Variants in FAM107A observed in about 807,000 individuals in gnomAD.
FAM107A encodes the protein family with sequence similarity 107 member A, also known as actin-associated protein FAM107A.
A neutral mutation model predicts 13.7 loss-of-function variants in FAM107A; 19 were observed. That is an observed-to-expected ratio of 1.38 (90% CI 0.97 to 2.03). The LOEUF is 2.03. Ranked by LOEUF, FAM107A falls within the 30% of genes most tolerant of loss-of-function variation. The pLI is 0.00. For missense variants in FAM107A, 203 were observed against 184.4 expected, an observed-to-expected ratio of 1.10 and a Z score of -0.58; for synonymous variants, 82 against 74.5, an observed-to-expected ratio of 1.10 and a Z score of -0.52.
intron 1 of FAM107A, among the ~76,000 whole-genome samples, chr3:58,575,642 T>C (rs2063724506): frequency 6.6e-6 from 1 of 152,256 alleles, no homozygotes; most frequent in African/African-American, 2.4e-5. Flanking sequence ...AGCAGGGTTA[T>C]GTCCCTTTTC....
chr3:58,616,945 T>C (rs994502318), intron 1 of FAM107A, among the ~76,000 whole-genome samples: 2 of 152,152 alleles, frequency 1.3e-5, no homozygotes, highest in Non-Finnish European at 2.9e-5. Context: ...AGCTAACTTT[T>C]TGTATTTTTG....
At chr3:58,586,430 GA>G (rs969805209) in intron 1 of FAM107A, among the ~76,000 whole-genome samples, 13 of 151,292 alleles carry the variant, frequency 8.6e-5, no homozygotes, top group Non-Finnish European at 1.3e-4. Flanking sequence ...AAAGGAGGAA[GA>G]AAAAAAAAGT....
intron 1 of FAM107A, among the ~76,000 whole-genome samples, chr3:58,614,251 T>C (rs2065881057): frequency 6.6e-6 from 1 of 152,208 alleles, no homozygotes. Flanking sequence ...TAGGGTTTTT[T>C]TGTTTTTTGT....
At chr3:58,624,103 G>C (rs999383470) in intron 1 of FAM107A, among the ~76,000 whole-genome samples, 9 of 152,300 alleles carry the variant, frequency 5.9e-5, no homozygotes, top group African/African-American at 2.2e-4. Flanking sequence ...CACTGCTGCC[G>C]CAGGACCTGT....
intron 1 of FAM107A, among the ~76,000 whole-genome samples, chr3:58,603,366 C>T (rs1460212875): frequency 6.6e-6 from 1 of 152,136 alleles, no homozygotes; most frequent in Non-Finnish European, 1.5e-5. Flanking sequence ...TTATTGGATG[C>T]TCACCGTGGC....
At chr3:58,573,153 T>C (rs2063700727) in intron 1 of FAM107A, among the ~76,000 whole-genome samples, 1 of 152,128 alleles carries the variant, frequency 6.6e-6, no homozygotes, top group Non-Finnish European at 1.5e-5. Flanking sequence ...GGCTGGTGCC[T>C]TAGCTCAGAG....
intron 1 of FAM107A, among the ~76,000 whole-genome samples, chr3:58,611,265 G>A (rs1480038501): frequency 1.7e-4 from 1 of 5,748 alleles, no homozygotes; most frequent in Non-Finnish European, 3.0e-4. Flanking sequence ...AATGTGCAAG[G>A]AGGCCCTGCC....
intron 1 of FAM107A, among the ~76,000 whole-genome samples, chr3:58,597,429 A>G (rs1378534565): frequency 1.3e-5 from 2 of 152,214 alleles, no homozygotes; most frequent in East Asian, 1.9e-4. Context: ...GATGGGCCTG[A>G]ATTCTGAATT....
chr3:58,584,126 G>A (rs936844730), intron 1 of FAM107A, among the ~76,000 whole-genome samples: 3 of 152,048 alleles, frequency 2.0e-5, no homozygotes, highest in Admixed American at 1.3e-4. Flanking sequence ...GCCAGAGAGC[G>A]GGTCCAGAGG....
chr3:58,572,942 C>T (rs1205614082), intron 1 of FAM107A, among the ~76,000 whole-genome samples: 1 of 152,192 alleles, frequency 6.6e-6, no homozygotes, highest in African/African-American at 2.4e-5. Flanking sequence ...ACAAGTGGCA[C>T]TCCTTTTTTA....
rs2065780524 is a variant in FAM107A, at chr3:58,604,930, A to T, written c.-69-15661T>A. 6.6e-6 allele frequency among the ~76,000 whole-genome samples: 1 copy of T among 151,956 alleles called. No homozygotes were observed. Among genetic ancestry groups the T allele is most frequent in the African/African-American group, 2.4e-5 (1 of 41,358 alleles). On this transcript the variant is annotated intron_variant, in intron 1 of 3. Coordinates refer to the FAM107A transcript ENST00000465970. The surrounding 1 kb of genome is among the most constrained non-coding windows in gnomAD (Gnocchi z 4.1). ...CTCTGGATTTTGTTATCTTTTTCTG[A>T]TGAGTGTTAGGTTTTGTTTTAGCAG...
chr3:58,570,583 CAG>C (rs371909507), intron 1 of FAM107A, among the ~76,000 whole-genome samples: 3,844 of 90,562 alleles, frequency 0.042, 55 homozygotes, highest in Non-Finnish European at 0.053. Context: ...GCAAATACAG[CAG>C]AGAGAGAGAG....
chr3:58,572,433 A>C (rs1197301946), intron 1 of FAM107A, among the ~76,000 whole-genome samples: 1 of 152,184 alleles, frequency 6.6e-6, no homozygotes, highest in African/African-American at 2.4e-5. Context: ...AAGATCTGAC[A>C]GTTGAGAATG....
In FAM107A at chr3:58,613,683, C is replaced by T. The variant is rs2065875303; in HGVS notation, c.-70+13733G>A. Among the ~76,000 whole-genome samples the T allele has an allele frequency of 6.6e-6, 1 of 152,128 alleles. No individual in the cohort carries two copies. The highest frequency in any genetic ancestry group is 1.5e-5 in the Non-Finnish European group (1 of 68,008). ...CTCCAGGAAGCCTTCCCTGATATTC[C>T]CCTCCCTAGGATTGGGTACCCTAGG... On this transcript the variant is annotated intron_variant, in intron 1 of 3. Coordinates refer to the FAM107A transcript ENST00000465970. This position sits in a 1 kb window ranked among gnomAD's most constrained non-coding sequence, Gnocchi z 4.6.
At chr3:58,586,961 C>T (rs1480580455) in exon 1 of FAM107A, 72 of 1,513,386 alleles carry the variant, frequency 4.8e-5, no homozygotes, top group Non-Finnish European at 6.2e-5. Flanking sequence ...TACTGCAGAG[C>T]CAGCACTGCT....
chr3:58,625,242 G>A (rs916903344), intron 1 of FAM107A, among the ~76,000 whole-genome samples: 5 of 152,074 alleles, frequency 3.3e-5, no homozygotes, highest in African/African-American at 7.2e-5. Flanking sequence ...GAGGTCGCAC[G>A]TGCCCCGTAG....
At chr3:58,583,022 C>T (rs1300113781) in intron 1 of FAM107A, among the ~76,000 whole-genome samples, 1 of 152,180 alleles carries the variant, frequency 6.6e-6, no homozygotes, top group Admixed American at 6.5e-5. Context: ...TGGTCTCGAA[C>T]ACCTGACCTC....
At position 58,565,168 on chromosome 3, in the gene FAM107A, C is replaced by T. The variant is rs149037546; in HGVS notation, c.*1420G>A. On this transcript the variant is annotated 3_prime_UTR_variant, in exon 4 of 4. Coordinates refer to ENST00000360997, the MANE Select transcript of FAM107A (RefSeq NM_001076778.3). Reference sequence around the variant, plus strand: ...AACAGGCCTGGTTTATTCTCTAATTCTTTAAAAATGGGATAGGAGCAAAAG... The same window carrying T: ...AACAGGCCTGGTTTATTCTCTAATTTTTTAAAAATGGGATAGGAGCAAAAG... 7.9e-5 allele frequency: 12 copies of T among 152,274 alleles called. No homozygotes were observed. Among genetic ancestry groups the T allele is most frequent in the African/African-American group, 2.9e-4 (12 of 41,562 alleles). 9.4% of individuals were successfully genotyped at this position (152,274 alleles called of 1,614,324 possible). A position where few individuals can be genotyped will look rare whatever the true frequency, so the allele number is the denominator to read the frequency against.
Position 58,597,664 on chromosome 3 carries a change from G to A in FAM107A, c.-69-8395C>T, listed in dbSNP as rs76067486. Among the ~76,000 whole-genome samples the A allele has an allele frequency of 1.9e-3, 289 of 152,276 alleles. 1 individual carries two copies. Among genetic ancestry groups the A allele is most frequent in the African/African-American group, 6.6e-3 (274 of 41,560 alleles). ...TTAATAATTGTAGCAAACAGCTATCGAGCACATTCTAGTGCTAGGCACTGT... is the reference window on the plus strand; with the variant it reads ...TTAATAATTGTAGCAAACAGCTATCAAGCACATTCTAGTGCTAGGCACTGT... On this transcript the variant is annotated intron_variant, in intron 1 of 3. Transcript: ENST00000465970.
Sources: allele counts gnomAD v4.1 joint callset (sites outside exome capture counted in the v4.1 genomes callset), GRCh38; gene constraint gnomAD v4.1.1; non-coding constraint Gnocchi (gnomAD v3.1); transcripts MANE v1.5; gene names NCBI Gene and HGNC (gene_info 2026-07-23, HGNC 2026-07-21).